ST8SIA5: variants seen among roughly 807,000 people sequenced by gnomAD.
ST8SIA5 encodes the protein alpha-2,8-sialyltransferase 8E.
ST8SIA5 carries 24 observed loss-of-function variants against 40.2 expected under a neutral mutation model. That is an observed-to-expected ratio of 0.60 (90% confidence interval 0.43 to 0.84). The LOEUF (loss-of-function observed/expected upper bound fraction) is 0.84, where lower values mean the gene tolerates loss of function less well. ST8SIA5 is among the 40% of genes least tolerant of loss of function. ST8SIA5 has a pLI of 0.00. For missense variants in ST8SIA5, 465 were observed against 498.5 expected, an observed-to-expected ratio of 0.93 and a Z score of 0.64; for synonymous variants, 198 against 201.8, an observed-to-expected ratio of 0.98 and a Z score of 0.16.
chr18:46,719,749 TTTC>T (rs1476033917), intron 1 of ST8SIA5, among the ~76,000 whole-genome samples: 12 of 151,286 alleles, frequency 7.9e-5, no homozygotes, highest in South Asian at 4.2e-4. Context: ...CCTTCCTTTC[TTTC>T]TTTTCTTTCT....
At chr18:46,741,545 A>G (rs2048899314) in intron 1 of ST8SIA5, among the ~76,000 whole-genome samples, 1 of 152,238 alleles carries the variant, frequency 6.6e-6, no homozygotes, top group South Asian at 2.1e-4. Context: ...GACTGATTTT[A>G]AAACCAGGCA....
chr18:46,718,067 G>A (rs1013150223), intron 1 of ST8SIA5, among the ~76,000 whole-genome samples: 1 of 152,084 alleles, frequency 6.6e-6, no homozygotes, highest in African/African-American at 2.4e-5. Flanking sequence ...TGTGGCTCAC[G>A]CCTGTAATCC....
intron 1 of ST8SIA5, among the ~76,000 whole-genome samples, chr18:46,752,230 A>G (rs2040202291): frequency 6.6e-6 from 1 of 152,030 alleles, no homozygotes; most frequent in South Asian, 2.1e-4. Flanking sequence ...ACCTTGAAAC[A>G]CAGTGATTTT....
In ST8SIA5 at chr18:46,673,875, C is replaced by T. The variant is rs999924987; in HGVS notation, c.*6167G>A. On this transcript the variant is annotated 3_prime_UTR_variant, in exon 7 of 7. Transcript: ENST00000315087. ...ACCCTGGCCACTGGTGCACCCCTCG[C>T]CTGGCCTCACCTGACCCCTGAGCCA... 6.6e-6 allele frequency: 1 copy of T among 152,302 alleles called. No homozygotes were observed. Among genetic ancestry groups the T allele is most frequent in the African/African-American group, 2.4e-5 (1 of 41,454 alleles). 9.4% of individuals were successfully genotyped at this position (152,302 alleles called of 1,614,324 possible).
At chr18:46,700,638 G>C (rs1285648917) in intron 2 of ST8SIA5, among the ~76,000 whole-genome samples, 1 of 152,196 alleles carries the variant, frequency 6.6e-6, no homozygotes, top group Non-Finnish European at 1.5e-5. Context: ...CCCAGGGCTT[G>C]GGGTCACAGA....
intron 1 of ST8SIA5, among the ~76,000 whole-genome samples, chr18:46,725,978 T>A (rs866894498): frequency 0.14 from 4,816 of 34,820 alleles, 465 homozygotes; most frequent in Non-Finnish European, 0.17. Flanking sequence ...AAAAAATATA[T>A]ATATATATAT....
intron 2 of ST8SIA5, among the ~76,000 whole-genome samples, chr18:46,701,895 C>T (rs373899715): frequency 1.3e-5 from 2 of 152,114 alleles, no homozygotes; most frequent in Admixed American, 1.3e-4. Flanking sequence ...CGCCTGTAAT[C>T]CCAGCACTTT....
Position 46,667,980 on chromosome 18 carries a change from T to C in ST8SIA5, c.*12062A>G, listed in dbSNP as rs886559878. ...AGCCACACACAAGCTGGAATTATGCTACAGGAGTTTGTATAAACCACTGCT... is the reference window on the plus strand; with the variant it reads ...AGCCACACACAAGCTGGAATTATGCCACAGGAGTTTGTATAAACCACTGCT... On this transcript the variant is annotated 3_prime_UTR_variant, in exon 7 of 7. Coordinates refer to ENST00000315087, the MANE Select transcript of ST8SIA5 (RefSeq NM_013305.6). The C allele has an allele frequency of 2.0e-5, 3 of 152,234 alleles. No individual in the cohort carries two copies. Among genetic ancestry groups the C allele is most frequent in the Non-Finnish European group, 4.4e-5 (3 of 68,058 alleles). 9.4% of individuals were successfully genotyped at this position (152,234 alleles called of 1,614,324 possible).
intron 1 of ST8SIA5, among the ~76,000 whole-genome samples, chr18:46,749,336 A>C (rs941086569): frequency 1.3e-5 from 2 of 152,118 alleles, no homozygotes; most frequent in Non-Finnish European, 2.9e-5. Context: ...AAGCCATTTA[A>C]CTCTACACTT....
chr18:46,732,106 A>G (rs2039990411), intron 1 of ST8SIA5, among the ~76,000 whole-genome samples: 1 of 152,220 alleles, frequency 6.6e-6, no homozygotes. Context: ...CAGTTCTTAA[A>G]GGTTGCCAAT....
chr18:46,749,329 C>G (rs2040173298), intron 1 of ST8SIA5, among the ~76,000 whole-genome samples: 1 of 152,034 alleles, frequency 6.6e-6, no homozygotes, highest in Non-Finnish European at 1.5e-5. Flanking sequence ...ATATTAAAAG[C>G]CATTTAACTC....
In ST8SIA5 at chr18:46,680,142, C is replaced by A. The variant is rs538781555; in HGVS notation, c.1031G>T (p.Arg344Leu). The A allele has an allele frequency of 6.2e-7, 1 of 1,614,106 alleles. No individual in the cohort carries two copies. Among genetic ancestry groups the A allele is most frequent in the Non-Finnish European group, 8.5e-7 (1 of 1,180,048 alleles). ...AGAGGGCATGGCGTGGAAGCCGGGACGCGGCTTGACGTTGTCATAGTAGTG... is the reference window on the plus strand; with the variant it reads ...AGAGGGCATGGCGTGGAAGCCGGGAAGCGGCTTGACGTTGTCATAGTAGTG... ...THHYYDNVKPRPGFHAMPSEI... is the reference protein window; with the variant it reads ...THHYYDNVKPLPGFHAMPSEI... The change falls in exon 7 of 7, where the codon CGT (arginine) becomes CTT (leucine). Residue 344 changes from arginine (R) to leucine (L), a missense_variant. Transcript: ENST00000315087.
intron 1 of ST8SIA5, among the ~76,000 whole-genome samples, chr18:46,705,385 C>A (rs1341176401): frequency 6.6e-6 from 1 of 152,232 alleles, no homozygotes; most frequent in Non-Finnish European, 1.5e-5. Flanking sequence ...TAAGCCCTTA[C>A]CATAGGCTAA....
chr18:46,720,192 T>C (rs1052342852), intron 1 of ST8SIA5, among the ~76,000 whole-genome samples: 1 of 152,012 alleles, frequency 6.6e-6, no homozygotes, highest in African/African-American at 2.4e-5. Flanking sequence ...AGGAGTCCAG[T>C]AGGGAGGTAC....
At chr18:46,707,835 A>C (rs557147869) in intron 1 of ST8SIA5, among the ~76,000 whole-genome samples, 1 of 152,304 alleles carries the variant, frequency 6.6e-6, no homozygotes, top group African/African-American at 2.4e-5. Flanking sequence ...CAGCAAGGAG[A>C]TGCTGTTTAT....
intron 1 of ST8SIA5, among the ~76,000 whole-genome samples, chr18:46,745,779 A>G (rs2040133838): frequency 6.6e-6 from 1 of 152,200 alleles, no homozygotes; most frequent in African/African-American, 2.4e-5. Context: ...AGAATTTTAG[A>G]CCAATATCCC....
At chr18:46,721,425 C>A (rs1408767395) in intron 1 of ST8SIA5, 1 of 1,536,130 alleles carries the variant, frequency 6.5e-7, no homozygotes, top group East Asian at 2.4e-5. Context: ...GAGCCCCGTC[C>A]AATTGGTCAG....
At chr18:46,736,840 C>T (rs2040039336) in intron 1 of ST8SIA5, among the ~76,000 whole-genome samples, 2 of 152,166 alleles carry the variant, frequency 1.3e-5, no homozygotes, top group South Asian at 2.1e-4. Flanking sequence ...ACCCCCAGAA[C>T]CCCCACAGTG....
chr18:46,688,128 T>G (rs908555659), intron 4 of ST8SIA5, among the ~76,000 whole-genome samples: 2 of 152,214 alleles, frequency 1.3e-5, no homozygotes, highest in Admixed American at 6.5e-5. Flanking sequence ...TGCGGCTCAT[T>G]CATTTTGTGG....
Sources: gnomAD v4.1 joint callset for allele counts (sites outside exome capture counted in the v4.1 genomes callset) on GRCh38, gnomAD v4.1.1 for gene constraint, MANE v1.5 for transcripts, NCBI Gene and HGNC (gene_info 2026-07-23, HGNC 2026-07-21) for gene names.